Variants in CHN2 observed in about 807,000 individuals in gnomAD.
The protein encoded by CHN2 is beta-chimaerin.
Under a neutral mutation model 56.3 loss-of-function variants are expected in CHN2, and 35 were observed. That is an observed-to-expected ratio of 0.62 (90% CI 0.47 to 0.82). The LOEUF (loss-of-function observed/expected upper bound fraction) is 0.82. Ranked by LOEUF, CHN2 falls within the 40% of genes least tolerant of loss-of-function variation. The probability of loss-of-function intolerance (pLI) is 0.00; values close to 1 mark genes in which losing one functional copy is unlikely to be tolerated. For synonymous variants in CHN2, 210 were observed against 212.8 expected, an observed-to-expected ratio of 0.99 and a Z score of 0.12; for missense variants, 491 against 580.5, an observed-to-expected ratio of 0.85 and a Z score of 1.58.
chr7:29,366,443 G>A (rs1799167780), intron 2 of CHN2, among the ~76,000 whole-genome samples: 1 of 152,170 alleles, frequency 6.6e-6, no homozygotes, highest in South Asian at 2.1e-4. Context: ...TGCCATGGAA[G>A]CCAATGGAAA....
intron 1 of CHN2, among the ~76,000 whole-genome samples, chr7:29,334,062 T>G (rs1469561335): frequency 1.3e-5 from 2 of 149,002 alleles, no homozygotes; most frequent in African/African-American, 5.0e-5. Context: ...TTTTTTTTTT[T>G]TTTTTTTGAG....
At chr7:29,364,821 C>G (rs925859704) in intron 2 of CHN2, among the ~76,000 whole-genome samples, 1 of 152,194 alleles carries the variant, frequency 6.6e-6, no homozygotes, top group Non-Finnish European at 1.5e-5. Context: ...ATTGAGGAAT[C>G]TTTGTCCCAT....
intron 2 of CHN2, among the ~76,000 whole-genome samples, chr7:29,366,718 A>G (rs940492566): frequency 6.6e-6 from 1 of 152,154 alleles, no homozygotes; most frequent in Non-Finnish European, 1.5e-5. Context: ...AGTGTGGGTG[A>G]CCTATACTTA....
chr7:29,146,921 C>T, exon 2 of CHN2: 1 of 1,551,196 alleles, frequency 6.4e-7, no homozygotes, highest in East Asian at 2.4e-5. Flanking sequence ...AAAAAGGCAA[C>T]ACACGTTCGC....
At chr7:29,353,707 G>A (rs1328641659) in intron 1 of CHN2, among the ~76,000 whole-genome samples, 1 of 152,168 alleles carries the variant, frequency 6.6e-6, no homozygotes, top group Non-Finnish European at 1.5e-5. Context: ...AGGCTTTGTG[G>A]TGCACCAGCG....
At chr7:29,146,874 C>T in exon 2 of CHN2, 1 of 1,551,210 alleles carries the variant, frequency 6.4e-7, no homozygotes. Context: ...CCAGGATTTA[C>T]ATTTGGAAAG....
chr7:29,206,547 T>C (rs993715513), intron 1 of CHN2, among the ~76,000 whole-genome samples: 1 of 152,200 alleles, frequency 6.6e-6, no homozygotes, highest in African/African-American at 2.4e-5. Flanking sequence ...CCCAGAGTGC[T>C]GGGATTACAA....
chr7:29,408,199 AAAT>A (rs1311218280), intron 6 of CHN2, among the ~76,000 whole-genome samples: 3 of 151,386 alleles, frequency 2.0e-5, no homozygotes, highest in African/African-American at 7.3e-5. Context: ...CAAAAAAAAA[AAAT>A]AAATTAAATT....
At chr7:29,440,396 A>C (rs539354492) in intron 6 of CHN2, among the ~76,000 whole-genome samples, 2 of 152,260 alleles carry the variant, frequency 1.3e-5, no homozygotes, top group South Asian at 2.1e-4. Context: ...ACAACAATTA[A>C]AGAGTGCACA....
At chr7:29,505,671 C>T (rs1483256288) in intron 10 of CHN2, among the ~76,000 whole-genome samples, 1 of 152,226 alleles carries the variant, frequency 6.6e-6, no homozygotes, top group African/African-American at 2.4e-5. Flanking sequence ...GAGGAAGCCT[C>T]GCTGACTACC....
At chr7:29,186,201 A>G (rs1798682792) in intron 2 of CHN2, among the ~76,000 whole-genome samples, 1 of 152,094 alleles carries the variant, frequency 6.6e-6, no homozygotes, top group African/African-American at 2.4e-5. Flanking sequence ...TCAGGAGTAC[A>G]AGTCCTATGA....
In CHN2 at chr7:29,400,762, G is replaced by T. The variant is rs781298459; in HGVS notation, c.510G>T (p.Leu170=). ...TLLREKVSRR[L]SRSKNEPRKT... is the part of the protein sequence containing the mutation. ...TCAGAGAAAAAGTATCCAGAAGGCTGAGCAGGTCTAAAAATGAACCAAGAA... is the reference window on the plus strand; with the variant it reads ...TCAGAGAAAAAGTATCCAGAAGGCTTAGCAGGTCTAAAAATGAACCAAGAA... Residue 170 remains leucine (L), a synonymous_variant, in exon 6 of 13, where the codon CTG becomes CTT. Transcript: ENST00000222792. The T allele has an allele frequency of 2.5e-6, 4 of 1,613,042 alleles. No individual in the cohort carries two copies. In the South Asian group the frequency reaches 3.3e-5, roughly 13 times the overall value.
intron 2 of CHN2, among the ~76,000 whole-genome samples, chr7:29,189,629 A>T (rs1180574092): frequency 6.6e-6 from 1 of 152,128 alleles, no homozygotes; most frequent in Non-Finnish European, 1.5e-5. Flanking sequence ...TGAGTTTCTG[A>T]ATGCTATCCT....
At chr7:29,495,646 T>C (rs1305291721) in intron 7 of CHN2, among the ~76,000 whole-genome samples, 1 of 152,196 alleles carries the variant, frequency 6.6e-6, no homozygotes, top group Non-Finnish European at 1.5e-5. Flanking sequence ...GCTTGGGCTA[T>C]CTTGGGTTTG....
chr7:29,430,666 G>A (rs562796374), intron 6 of CHN2, among the ~76,000 whole-genome samples: 3 of 152,050 alleles, frequency 2.0e-5, no homozygotes, highest in East Asian at 1.9e-4. Flanking sequence ...CATTCACTAT[G>A]TATGGAGATG....
At chr7:29,330,640 A>G (rs575824230) in intron 1 of CHN2, among the ~76,000 whole-genome samples, 1 of 152,346 alleles carries the variant, frequency 6.6e-6, no homozygotes, top group African/African-American at 2.4e-5. Context: ...CATATCATTG[A>G]AATTCTTAGA....
chr7:29,236,600 A>C (rs921868017), intron 1 of CHN2, among the ~76,000 whole-genome samples: 4 of 152,220 alleles, frequency 2.6e-5, no homozygotes, highest in African/African-American at 4.8e-5. Context: ...GAAGGACTGA[A>C]CGTGGGAGTG....
At chr7:29,240,145 G>A (rs182238374) in intron 1 of CHN2, among the ~76,000 whole-genome samples, 1 of 152,276 alleles carries the variant, frequency 6.6e-6, no homozygotes, top group Admixed American at 6.5e-5. Flanking sequence ...TCCACCTTGG[G>A]CTTCCCTAGT....
intron 1 of CHN2, among the ~76,000 whole-genome samples, chr7:29,240,538 C>A (rs1787572830): frequency 6.6e-6 from 1 of 152,124 alleles, no homozygotes; most frequent in African/African-American, 2.4e-5. Context: ...TTATTGAATA[C>A]CTGCTAGGGA....
Sources: allele counts gnomAD v4.1 joint callset (sites outside exome capture counted in the v4.1 genomes callset), GRCh38; gene constraint gnomAD v4.1.1; transcripts MANE v1.5; gene names NCBI Gene and HGNC (gene_info 2026-07-23, HGNC 2026-07-21).